The following AOPEP variants were observed in gnomAD, a reference collection of about 807,000 sequenced individuals.
The protein encoded by AOPEP is aminopeptidase O.
A neutral mutation model predicts 98.1 loss-of-function variants in AOPEP; 77 were observed. That is an observed-to-expected ratio of 0.78 (90% CI 0.65 to 0.95). AOPEP has a LOEUF of 0.95. AOPEP is among the 40% of genes least tolerant of loss of function. The pLI is 0.00. For synonymous variants in AOPEP, 346 were observed against 365.3 expected, an observed-to-expected ratio of 0.95 and a Z score of 0.60; for missense variants, 1,024 against 1,024.7, an observed-to-expected ratio of 1.00 and a Z score of 0.01.
chr9:94,853,459 CA>C (rs911808316), intron 5 of AOPEP, among the ~76,000 whole-genome samples: 51 of 144,230 alleles, frequency 3.5e-4, no homozygotes, highest in Admixed American at 4.9e-4. Context: ...GACTCCATCT[CA>C]AAAAAAAAAA....
intron 4 of AOPEP, among the ~76,000 whole-genome samples, chr9:94,795,900 T>A (rs923282064): frequency 2.0e-5 from 3 of 152,066 alleles, no homozygotes; most frequent in African/African-American, 7.2e-5. Context: ...AAAATAAAGG[T>A]TTTATTATTG....
At chr9:94,739,682 G>A (rs1198542373) in intron 1 of AOPEP, among the ~76,000 whole-genome samples, 4 of 151,172 alleles carry the variant, frequency 2.6e-5, no homozygotes, top group African/African-American at 9.7e-5. Flanking sequence ...GTTTACAATT[G>A]TAGTTATCAG....
intron 15 of AOPEP, 86 bp from the exon 16 acceptor site, chr9:95,082,489 G>T: frequency 7.0e-7 from 1 of 1,434,750 alleles, no homozygotes. Flanking sequence ...AAGTGTGTGT[G>T]GAACAAGCAC....
At chr9:94,885,615 A>G (rs1274338483) in intron 5 of AOPEP, among the ~76,000 whole-genome samples, 3 of 152,036 alleles carry the variant, frequency 2.0e-5, no homozygotes, top group African/African-American at 7.2e-5. Context: ...ATGTAGCCTA[A>G]CACTTTGAGC....
At chr9:95,114,659 A>T in the AOPEP span, 1 of 1,614,120 alleles carries the variant, frequency 6.2e-7, no homozygotes, top group Admixed American at 1.7e-5. Flanking sequence ...TGCTTCTCTG[A>T]GCAGTTCAGA....
At chr9:95,092,056 CTGTGTG>C (rs112458654), downstream of AOPEP, among the ~76,000 whole-genome samples, 5,762 of 149,134 alleles carry the variant, frequency 0.039, 357 homozygotes, top group African/African-American at 0.13. Context: ...CTGTTGAAGG[CTGTGTG>C]TGTGTGTGTG....
intron 1 of AOPEP, among the ~76,000 whole-genome samples, chr9:94,748,077 T>C (rs1834917433): frequency 6.6e-6 from 1 of 152,192 alleles, no homozygotes; most frequent in African/African-American, 2.4e-5. Context: ...ATAAAGACTT[T>C]CTAATAAATT....
intron 5 of AOPEP, among the ~76,000 whole-genome samples, chr9:94,821,026 T>C (rs1852978571): frequency 6.6e-6 from 1 of 152,236 alleles, no homozygotes; most frequent in Admixed American, 6.5e-5. Context: ...TATAAAGTTA[T>C]GTTCATCCTA....
chr9:94,740,782 C>T (rs1646944970), intron 1 of AOPEP, among the ~76,000 whole-genome samples: 2 of 152,198 alleles, frequency 1.3e-5, no homozygotes, highest in African/African-American at 2.4e-5. Context: ...TCATCAGTTA[C>T]AAACTGTGTA....
chr9:94,947,229 C>T (rs2057736196), intron 7 of AOPEP, among the ~76,000 whole-genome samples: 1 of 151,984 alleles, frequency 6.6e-6, no homozygotes, highest in Non-Finnish European at 1.5e-5. Context: ...GATCCACCCG[C>T]CTCGGCCTCC....
intron 5 of AOPEP, among the ~76,000 whole-genome samples, chr9:94,864,786 A>G (rs1015835093): frequency 6.6e-6 from 1 of 152,196 alleles, no homozygotes; most frequent in Admixed American, 6.5e-5. Context: ...ACACAACAGT[A>G]TAATTCAGTT....
At chr9:94,757,086 A>G (rs73532323) in intron 1 of AOPEP, among the ~76,000 whole-genome samples, 1,691 of 152,310 alleles carry the variant, frequency 0.011, 28 homozygotes, top group African/African-American at 0.038. Flanking sequence ...TCAAAACCCC[A>G]GAAGTTGGGA....
At chr9:95,034,884 T>G (rs2064648314) in intron 13 of AOPEP, among the ~76,000 whole-genome samples, 1 of 152,150 alleles carries the variant, frequency 6.6e-6, no homozygotes, top group South Asian at 2.1e-4. Context: ...AGGATTCAGG[T>G]TTTGTTATGA....
chr9:94,845,385 A>T (rs919179934), intron 5 of AOPEP, among the ~76,000 whole-genome samples: 2 of 152,212 alleles, frequency 1.3e-5, no homozygotes, highest in Admixed American at 6.5e-5. Context: ...TGAGGACCCA[A>T]TTCCACGGGG....
intron 5 of AOPEP, among the ~76,000 whole-genome samples, chr9:94,911,416 C>T (rs2052018195): frequency 6.6e-6 from 1 of 152,262 alleles, no homozygotes; most frequent in Non-Finnish European, 1.5e-5. Context: ...AGAGCAGCCA[C>T]TGGCTTGGTG....
chr9:95,028,608 T>G lies in AOPEP; in HGVS notation c.2115+22992T>G, dbSNP rs554235374. Among the ~76,000 whole-genome samples the G allele has an allele frequency of 3.3e-5, 5 of 152,366 alleles. No homozygotes were observed. In the South Asian group the frequency reaches 8.3e-4, roughly 25 times the overall value. The stretch of plus-strand genomic sequence containing the variant: ...TTGTTGAATTTTTCCAAGAGTTACT[T>G]GCCATTTCAGAAAATCTCTTTTGCA... On this transcript the variant is annotated intron_variant, in intron 13 of 16. Transcript: ENST00000375315.
chr9:94,738,722 C>T (rs919023918), intron 1 of AOPEP, among the ~76,000 whole-genome samples: 1 of 151,970 alleles, frequency 6.6e-6, no homozygotes, highest in Non-Finnish European at 1.5e-5. Flanking sequence ...TACAGGCGCC[C>T]GCCACCACGC....
chr9:95,021,279 A>G (rs775005631), intron 13 of AOPEP, among the ~76,000 whole-genome samples: 2 of 152,164 alleles, frequency 1.3e-5, no homozygotes, highest in African/African-American at 2.4e-5. Context: ...GGAAAAAGAC[A>G]TATTTTCTCT....
intron 13 of AOPEP, among the ~76,000 whole-genome samples, chr9:95,045,170 G>A (rs2065729268): frequency 6.6e-6 from 1 of 152,202 alleles, no homozygotes; most frequent in Non-Finnish European, 1.5e-5. Flanking sequence ...TCCAGCCAAC[G>A]GCGCCCCTAG....
Sources: allele counts gnomAD v4.1 joint callset (sites outside exome capture counted in the v4.1 genomes callset), GRCh38; gene constraint gnomAD v4.1.1; transcripts MANE v1.5; gene names NCBI Gene and HGNC (gene_info 2026-07-23, HGNC 2026-07-21).